ARMC8: variants seen among roughly 807,000 people sequenced by gnomAD.
The protein encoded by ARMC8 is armadillo repeat-containing protein 8.
Under a neutral mutation model 99.3 loss-of-function variants are expected in ARMC8, and 20 were observed. That is an observed-to-expected ratio of 0.20 (90% CI 0.14 to 0.29). ARMC8 has a LOEUF of 0.29. Ranked by LOEUF, ARMC8 falls within the 10% of genes least tolerant of loss-of-function variation. The probability of loss-of-function intolerance (pLI) is 1.00; values close to 1 mark genes in which losing one functional copy is unlikely to be tolerated. For missense variants in ARMC8, 569 were observed against 809.5 expected (o/e 0.70, Z 3.60); for synonymous variants, 263 against 278.3 (o/e 0.95, Z 0.55).
At position 138,244,983 on chromosome 3, in the gene ARMC8, A is replaced by G. The variant is rs937157746; in HGVS notation, c.1039-105A>G. ...AATGTAGTTAATGACTGGGAAATTC[A>G]CTAAAATCTAAAAGTTGTAAACTTT... is the stretch of plus-strand genomic sequence containing the variant. On this transcript the variant is annotated intron_variant, in intron 11 of 21. Coordinates refer to ENST00000469044, the MANE Select transcript of ARMC8 (RefSeq NM_001363941.2). The G allele has an allele frequency of 8.7e-6, 12 of 1,375,138 alleles. No homozygotes were observed. In the African/African-American group the frequency reaches 1.6e-4, roughly 18 times the overall value. The allele number at this position is 1,375,138 out of a possible 1,614,324, so 85.2% of individuals were successfully genotyped here.
chr3:138,246,123 G>C (rs902040202), intron 12 of ARMC8: 2 of 985,304 alleles, frequency 2.0e-6, no homozygotes, highest in African/African-American at 1.7e-5. Flanking sequence ...TGTAGAAAGA[G>C]GAGTATGGAA....
chr3:138,245,535 A>G, intron 12 of ARMC8: 2 of 1,135,962 alleles, frequency 1.8e-6, no homozygotes, highest in South Asian at 3.6e-5. Flanking sequence ...TAGAATTGTA[A>G]ATGTTATTTA....
chr3:138,213,495 T>C (rs780486765), intron 2 of ARMC8, among the ~76,000 whole-genome samples: 5 of 152,178 alleles, frequency 3.3e-5, no homozygotes, highest in Admixed American at 6.5e-5. Flanking sequence ...CATAACTGAA[T>C]AGATGATCAT....
At position 138,229,886 on chromosome 3, in the gene ARMC8, A is replaced by T. The variant is rs181541942; in HGVS notation, c.528+876A>T. ...TCATTTATAATACAAGTCACAAGTAAGGAGCTTTGGGAACTATAGGAAAGA... is the reference window on the plus strand; with the variant it reads ...TCATTTATAATACAAGTCACAAGTATGGAGCTTTGGGAACTATAGGAAAGA... On this transcript the variant is annotated intron_variant, in intron 6 of 21. Coordinates refer to ENST00000469044, the MANE Select transcript of ARMC8 (RefSeq NM_001363941.2). Among the ~76,000 whole-genome samples the T allele has an allele frequency of 2.4e-3, 361 of 152,320 alleles. 3 individuals are homozygous for T. Among genetic ancestry groups the T allele is most frequent in the East Asian group, 0.016 (84 of 5,190 alleles).
intron 6 of ARMC8, 122 bp downstream of exon 6, chr3:138,229,132 GTGTATATATATA>G (rs1681751029): frequency 2.7e-5 from 3 of 110,068 alleles, no homozygotes; most frequent in African/African-American, 9.7e-5. Flanking sequence ...GTGTGTGTGC[GTGTATATATATA>G]TATATATATA....
At chr3:138,295,757 T>G (rs1560067859) in intron 21 of ARMC8, 102 bp from the exon 22 acceptor site, 2 of 1,355,866 alleles carry the variant, frequency 1.5e-6, no homozygotes, top group Non-Finnish European at 2.1e-6. Flanking sequence ...CCTCTGGAGA[T>G]TTACTTTTTT....
chr3:138,223,267 T>C (rs2045504455), intron 3 of ARMC8, 122 bp from the exon 4 acceptor site: 1 of 805,030 alleles, frequency 1.2e-6, no homozygotes. Context: ...CAAATGACCA[T>C]TGGATTCATA....
At chr3:138,262,572 G>A (rs758373409) in intron 12 of ARMC8, 2 of 1,610,724 alleles carry the variant, frequency 1.2e-6, no homozygotes, top group East Asian at 2.2e-5. Flanking sequence ...AACCTTGGCT[G>A]TGTACTGGAC....
At chr3:138,280,547 G>A (rs1393791893) in intron 18 of ARMC8, among the ~76,000 whole-genome samples, 1 of 150,534 alleles carries the variant, frequency 6.6e-6, no homozygotes, top group Non-Finnish European at 1.5e-5. Context: ...AGGCTGGAGT[G>A]CAGTGGTGTG....
intron 5 of ARMC8, among the ~76,000 whole-genome samples, chr3:138,227,574 T>G (rs1200991400): frequency 1.3e-5 from 2 of 152,252 alleles, no homozygotes; most frequent in African/African-American, 4.8e-5. Context: ...ATTCTACTTG[T>G]AGGGAATCAG....
chr3:138,284,550 G>GT, intron 19 of ARMC8, 24 bp downstream of exon 19: 2 of 1,529,366 alleles, frequency 1.3e-6, no homozygotes, highest in South Asian at 2.2e-5. Context: ...CCCTTTCACC[G>GT]TAGGATTAGA....
chr3:138,187,696 C>G, intron 1 of ARMC8, 97 bp downstream of exon 1: 1 of 1,338,316 alleles, frequency 7.5e-7, no homozygotes, highest in Non-Finnish European at 1.0e-6. Context: ...GGGCACCACC[C>G]CCTGGGGTGG....
chr3:138,279,936 G>A (rs573175866), intron 18 of ARMC8, among the ~76,000 whole-genome samples: 8 of 151,144 alleles, frequency 5.3e-5, no homozygotes, highest in Admixed American at 2.6e-4. Context: ...ACAGAGTCTC[G>A]CTGTGTCACC....
At chr3:138,205,776 T>C (rs1489153167) in intron 1 of ARMC8, among the ~76,000 whole-genome samples, 1 of 152,176 alleles carries the variant, frequency 6.6e-6, no homozygotes, top group East Asian at 1.9e-4. Context: ...TTGTCTCTAC[T>C]AAAAATAAAC....
intron 12 of ARMC8, chr3:138,261,957 C>A: frequency 6.6e-6 from 1 of 152,422 alleles, no homozygotes. Flanking sequence ...TAAGAGGTAG[C>A]TACCATAAGG....
chr3:138,241,567 G>A (rs891654442), intron 10 of ARMC8, among the ~76,000 whole-genome samples: 2 of 152,114 alleles, frequency 1.3e-5, no homozygotes, highest in Non-Finnish European at 2.9e-5. Context: ...TTTGACGTAC[G>A]AATAGAGTTT....
At position 138,204,344 on chromosome 3, in the gene ARMC8, C is replaced by G. The variant is rs111505366; in HGVS notation, c.46-5473C>G. ...CCTCAGTTATTCATGAACGTTGTTA[C>G]AGTTCTCTCCCTTCTCATGCAGCAT... On this transcript the variant is annotated intron_variant, in intron 1 of 21. Transcript: ENST00000469044. Among the ~76,000 whole-genome samples, 558 of 152,294 alleles carry G rather than the reference C, an allele frequency of 3.7e-3. 8 individuals are homozygous for G. Among genetic ancestry groups the G allele is most frequent in the African/African-American group, 0.012 (486 of 41,550 alleles).
intron 10 of ARMC8, among the ~76,000 whole-genome samples, chr3:138,240,188 CAA>C (rs2046542127): frequency 6.6e-6 from 1 of 152,056 alleles, no homozygotes; most frequent in East Asian, 1.9e-4. Context: ...GTGAGGATAA[CAA>C]TATATTAAAT....
chr3:138,191,591 A>G (rs2043385418), intron 1 of ARMC8, among the ~76,000 whole-genome samples: 1 of 152,188 alleles, frequency 6.6e-6, no homozygotes, highest in South Asian at 2.1e-4. Context: ...GTCAAGATAC[A>G]GAACTATTCC....
Sources: gnomAD v4.1 joint callset for allele counts (sites outside exome capture counted in the v4.1 genomes callset) on GRCh38, gnomAD v4.1.1 for gene constraint, MANE v1.5 for transcripts, NCBI Gene and HGNC (gene_info 2026-07-23, HGNC 2026-07-21) for gene names.